CHRND: variants seen among roughly 807,000 people sequenced by gnomAD.
CHRND encodes cholinergic receptor nicotinic delta subunit, also known as acetylcholine receptor subunit delta.
Under a neutral mutation model 57.8 loss-of-function variants are expected in CHRND, and 40 were observed. That is an observed-to-expected ratio of 0.69 (90% confidence interval 0.54 to 0.90). The LOEUF (loss-of-function observed/expected upper bound fraction) is 0.90, where lower values mean the gene tolerates loss of function less well. CHRND is among the 40% of genes least tolerant of loss of function. The pLI is 0.00. For synonymous variants in CHRND, 237 were observed against 270.6 expected (o/e 0.88, Z 1.22); for missense variants, 634 against 673.9 (o/e 0.94, Z 0.66).
rs751226337 is a variant in CHRND, at chr2:232,535,727, C to T, written c.*415C>T. On this transcript the variant is annotated 3_prime_UTR_variant, in exon 12 of 12. Coordinates refer to ENST00000258385, the MANE Select transcript of CHRND (RefSeq NM_000751.3). ...TCTGGCCCCTCCAGCCTCCCTCTTC[C>T]TACCTACCCTTCAACCTCAGGCTTC... 1 of 459,650 alleles carries T rather than the reference C, an allele frequency of 2.2e-6. No individual in the cohort carries two copies. Among genetic ancestry groups the T allele is most frequent in the South Asian group, 1.5e-5 (1 of 64,522 alleles). 28.5% of individuals were successfully genotyped at this position (459,650 alleles called of 1,614,324 possible). A position where few individuals can be genotyped will look rare whatever the true frequency, so the allele number is the denominator to read the frequency against.
In CHRND at chr2:232,526,645, G is replaced by A; in HGVS notation, c.169G>A (p.Ala57Thr). ...HKEESVDVAL[A>T]LTLSNLISLK... ...AGAGGAGAGTGTGGACGTTGCCCTGGCCCTCACACTCTCCAACCTCATCTC... is the reference window on the plus strand; with the variant it reads ...AGAGGAGAGTGTGGACGTTGCCCTGACCCTCACACTCTCCAACCTCATCTC... Residue 57 changes from alanine to threonine, a missense_variant, in exon 2 of 12, where the codon GCC (alanine) becomes ACC (threonine). Physicochemically the swap from Ala to Thr is moderately conservative, Grantham distance 58 (BLOSUM62 0). Transcript: ENST00000258385. The A allele has an allele frequency of 6.2e-7, 1 of 1,613,624 alleles. No homozygotes were observed. Among genetic ancestry groups the A allele is most frequent in the Non-Finnish European group, 8.5e-7 (1 of 1,179,992 alleles).
At chr2:232,526,453 C>G in intron 1 of CHRND, 76 bp from the exon 2 acceptor site, 1 of 1,606,054 alleles carries the variant, frequency 6.2e-7, no homozygotes, top group South Asian at 1.1e-5. Flanking sequence ...CATGGTCCAG[C>G]AGGACCTCAG....
chr2:232,528,798 C>T, intron 5 of CHRND, 64 bp from the exon 6 acceptor site: 7 of 1,572,650 alleles, frequency 4.5e-6, no homozygotes, highest in Non-Finnish European at 6.1e-6. Flanking sequence ...CCTTACCAGC[C>T]CTTCCCCACT....
intron 11 of CHRND, 152 bp from the exon 12 acceptor site, chr2:232,534,978 C>A: frequency 2.3e-6 from 2 of 859,226 alleles, no homozygotes; most frequent in Non-Finnish European, 3.6e-6. Context: ...TGGGACCTTG[C>A]TGGGGACAAG....
intron 2 of CHRND, among the ~76,000 whole-genome samples, 197 bp from the exon 3 acceptor site, chr2:232,527,204 C>G (rs1574628527): frequency 6.6e-6 from 1 of 151,926 alleles, no homozygotes; most frequent in Non-Finnish European, 1.5e-5. Context: ...AAGGCTGAGG[C>G]AGGAGAATCG....
Position 232,535,268 on chromosome 2 carries a change from G to A in CHRND, c.1510G>A (p.Gly504Arg). ...YNQPPPQPFP[G>R]DPYSYNVQDK... ...CCAGCCACCACCCCAGCCTTTTCCT[G>A]GGGACCCCTACTCCTACAACGTGCA... Residue 504 changes from glycine (G) to arginine (R), a missense_variant, in exon 12 of 12, where the codon GGG becomes AGG. Coordinates refer to ENST00000258385, the MANE Select transcript of CHRND (RefSeq NM_000751.3). The A allele has an allele frequency of 7.4e-6, 12 of 1,614,114 alleles. No individual in the cohort carries two copies. The highest frequency in any genetic ancestry group is 1.0e-5 in the Non-Finnish European group (12 of 1,180,040).
intron 6 of CHRND, 125 bp from the exon 7 acceptor site, chr2:232,529,813 AC>A: frequency 1.1e-6 from 1 of 928,630 alleles, no homozygotes; most frequent in Non-Finnish European, 1.6e-6. Context: ...CACCAACGGG[AC>A]CCCGTAGACA....
intron 9 of CHRND, among the ~76,000 whole-genome samples, chr2:232,531,940 T>C (rs1691715424): frequency 9.8e-6 from 1 of 102,364 alleles, no homozygotes; most frequent in African/African-American, 4.2e-5. Context: ...GAGTGAGACC[T>C]TGTCTCAAAA....
intron 6 of CHRND, 58 bp downstream of exon 6, chr2:232,529,029 G>C: frequency 1.6e-6 from 2 of 1,240,894 alleles, no homozygotes; most frequent in East Asian, 4.7e-5. Flanking sequence ...CAGACACACT[G>C]GCCCTGTCCA....
chr2:232,527,404 G>A lies in CHRND; in HGVS notation c.202G>A (p.Glu68Lys). 1.2e-6 allele frequency: 2 copies of A among 1,612,970 alleles called. No individual in the cohort carries two copies. Among genetic ancestry groups the A allele is most frequent in the African/African-American group, 2.7e-5 (2 of 74,964 alleles). ...LTLSNLISLKEVEETLTTNVW... is the reference protein window; with the variant it reads ...LTLSNLISLKKVEETLTTNVW... Reference sequence around the variant, plus strand: ...TGGCCCTACCGTCTAATTACAGAAAGAAGTTGAGGAGACCCTCACTACCAA... The same window carrying A: ...TGGCCCTACCGTCTAATTACAGAAAAAAGTTGAGGAGACCCTCACTACCAA... Residue 68 changes from glutamate (E) to lysine (K), a missense_variant, in exon 3 of 12, where the codon GAA (glutamate) becomes AAA (lysine). Transcript: ENST00000258385.
Position 232,528,602 on chromosome 2 carries a change from C to T in CHRND, c.455C>T (p.Pro152Leu). Residue 152 changes from proline to leucine, a missense_variant, in exon 5 of 12, where the codon CCC becomes CTC. By Grantham distance (98) the Pro-to-Leu change is moderately conservative. Transcript: ENST00000258385. ...CCTGCCATCTTCCGCTCCTCCTGCC[C>T]CATCTCTGTCACCTATTTCCCCTTC... is the stretch of plus-strand genomic sequence containing the variant. ...LPPAIFRSSC[P>L]ISVTYFPFDW... 6.2e-7 allele frequency: 1 copy of T among 1,614,206 alleles called. No individual in the cohort carries two copies. The highest frequency in any genetic ancestry group is 8.5e-7 in the Non-Finnish European group (1 of 1,180,040).
rs1691804529 is a variant in CHRND at position 232,534,083 on chromosome 2, G to C, written c.1200G>C (p.Met400Ile). 6.2e-7 allele frequency: 1 copy of C among 1,614,020 alleles called. No individual in the cohort carries two copies. The highest frequency in any genetic ancestry group is 8.5e-7 in the Non-Finnish European group (1 of 1,180,050). ...TGCTCAAGTCCCGCAGTGACCTCAT[G>C]TTCGAGAAGCAGTCAGAGCGGCATG... ...YFLLKSRSDLMFEKQSERHGL... is the reference protein window; with the variant it reads ...YFLLKSRSDLIFEKQSERHGL... The change falls in exon 10 of 12, where the codon ATG (methionine) becomes ATC (isoleucine). Residue 400 changes from methionine to isoleucine, a missense_variant. Transcript: ENST00000258385.
intron 3 of CHRND, 135 bp from the exon 4 acceptor site, chr2:232,528,127 A>G (rs1479043890): frequency 2.6e-6 from 2 of 781,732 alleles, no homozygotes. Context: ...CTGAATCCGC[A>G]CTCTGTACCT....
At position 232,534,084 on chromosome 2, in the gene CHRND, T is replaced by C. The variant is rs1223597017; in HGVS notation, c.1201T>C (p.Phe401Leu). 6.2e-7 allele frequency: 1 copy of C among 1,614,104 alleles called. No homozygotes were observed. The highest frequency in any genetic ancestry group is 1.7e-5 in the Admixed American group (1 of 60,034). The change falls in exon 10 of 12, where the codon TTC becomes CTC. Residue 401 changes from phenylalanine (F) to leucine (L), a missense_variant. Transcript: ENST00000258385. Reference protein sequence around the residue: ...FLLKSRSDLMFEKQSERHGLA... With the variant: ...FLLKSRSDLMLEKQSERHGLA... ...GCTCAAGTCCCGCAGTGACCTCATGTTCGAGAAGCAGTCAGAGCGGCATGG... is the reference window on the plus strand; with the variant it reads ...GCTCAAGTCCCGCAGTGACCTCATGCTCGAGAAGCAGTCAGAGCGGCATGG...
At chr2:232,531,319 C>T in intron 7 of CHRND, 33 bp from the exon 8 acceptor site, 1 of 1,454,334 alleles carries the variant, frequency 6.9e-7, no homozygotes, top group Non-Finnish European at 9.5e-7. Flanking sequence ...AGGACCGGTG[C>T]CCCAAGGTCA....
chr2:232,535,329 AG>A lies in CHRND; in HGVS notation c.*18del. ...TTCATCTAGGGTGGGCCTGTTGGGG[AG>A]CCAGGAGACAGCAGGGTCTGAGAGA... On this transcript the variant is annotated 3_prime_UTR_variant, in exon 12 of 12. Coordinates refer to ENST00000258385, the MANE Select transcript of CHRND (RefSeq NM_000751.3). 6.2e-7 allele frequency: 1 copy of A among 1,611,500 alleles called. No individual in the cohort carries two copies. The highest frequency in any genetic ancestry group is 8.5e-7 in the Non-Finnish European group (1 of 1,179,978).
intron 7 of CHRND, among the ~76,000 whole-genome samples, chr2:232,530,611 T>C (rs1040977112): frequency 2.0e-5 from 3 of 152,034 alleles, no homozygotes; most frequent in African/African-American, 7.2e-5. Flanking sequence ...CAGGGCATAG[T>C]GAGTCCCAGG....
chr2:232,526,452 G>A, intron 1 of CHRND, 77 bp from the exon 2 acceptor site: 2 of 1,606,476 alleles, frequency 1.2e-6, no homozygotes. Context: ...TCATGGTCCA[G>A]CAGGACCTCA....
chr2:232,534,230 C>A lies in CHRND; in HGVS notation c.1259C>A (p.Pro420His). ...TCTGGCCCCTCGTCTGTAGGCCGGC[C>A]CCCAGCAAGCTCTGAGCAGGCCCAG... The part of the protein sequence containing the change: ...LARRLTTARR[P>H]PASSEQAQQE... The change falls in exon 11 of 12, where the codon CCC becomes CAC. Residue 420 changes from proline to histidine, a missense_variant. Pro to His is a moderately conservative substitution (Grantham distance 77, BLOSUM62 -2). Transcript: ENST00000258385. The A allele has an allele frequency of 1.2e-6, 2 of 1,614,174 alleles. No individual in the cohort carries two copies. The highest frequency in any genetic ancestry group is 8.5e-7 in the Non-Finnish European group (1 of 1,180,034).
Sources: gnomAD v4.1 joint callset for allele counts (sites outside exome capture counted in the v4.1 genomes callset) on GRCh38, gnomAD v4.1.1 for gene constraint, MANE v1.5 for transcripts, NCBI Gene and HGNC (gene_info 2026-07-23, HGNC 2026-07-21) for gene names.